Variants in PTPRK observed in about 807,000 individuals in gnomAD.
The protein encoded by PTPRK is protein tyrosine phosphatase receptor type K, also known as receptor-type tyrosine-protein phosphatase kappa.
PTPRK carries 75 observed loss-of-function variants against 178.0 expected under a neutral mutation model. The observed-to-expected ratio is 0.42, with a 90% CI of 0.35 to 0.51. The LOEUF is 0.51. Ranked by LOEUF, PTPRK falls within the 20% of genes least tolerant of loss-of-function variation. PTPRK has a pLI of 0.02. For synonymous variants in PTPRK, 637 were observed against 620.6 expected (o/e 1.03, Z -0.39); for missense variants, 1,441 against 1,797.8 (o/e 0.80, Z 3.59).
intron 7 of PTPRK, among the ~76,000 whole-genome samples, chr6:128,093,357 G>A (rs1787315312): frequency 6.6e-6 from 1 of 151,756 alleles, no homozygotes; most frequent in Non-Finnish European, 1.5e-5. Context: ...AGTTTGGGAG[G>A]CCATGGTGGG....
intron 1 of PTPRK, among the ~76,000 whole-genome samples, chr6:128,419,599 G>A (rs9491946): frequency 3.4e-5 from 5 of 148,838 alleles, no homozygotes; most frequent in Non-Finnish European, 5.9e-5. Flanking sequence ...GCGACAGAGC[G>A]AGACTCCGTC....
At chr6:128,166,386 C>T (rs1182082796) in intron 7 of PTPRK, among the ~76,000 whole-genome samples, 4 of 151,560 alleles carry the variant, frequency 2.6e-5, no homozygotes, top group African/African-American at 9.7e-5. Flanking sequence ...CAGCTAATAG[C>T]TGTGTGATCT....
intron 1 of PTPRK, among the ~76,000 whole-genome samples, chr6:128,464,192 C>T (rs1339675118): frequency 6.6e-6 from 1 of 151,406 alleles, no homozygotes; most frequent in East Asian, 1.9e-4. Context: ...ATAAAAAATA[C>T]ACAAAAAAAA....
chr6:128,438,044 GATACTGTAATTTCA>G (rs1026245490), intron 1 of PTPRK, among the ~76,000 whole-genome samples: 1 of 152,188 alleles, frequency 6.6e-6, no homozygotes, highest in African/African-American at 2.4e-5. Flanking sequence ...CCCATCCCGG[GATACTGTAATTTCA>G]ATCACCATTT....
chr6:128,181,068 A>G (rs944594178), intron 7 of PTPRK, among the ~76,000 whole-genome samples: 3 of 152,110 alleles, frequency 2.0e-5, no homozygotes, highest in Admixed American at 1.3e-4. Flanking sequence ...AAAATAAAAT[A>G]TCATGATACA....
intron 2 of PTPRK, among the ~76,000 whole-genome samples, chr6:128,393,325 G>A (rs1444439423): frequency 2.6e-5 from 4 of 151,970 alleles, no homozygotes; most frequent in Admixed American, 1.3e-4. Context: ...TCCTAACCTC[G>A]TGATCCGCCC....
intron 5 of PTPRK, among the ~76,000 whole-genome samples, chr6:128,228,528 T>C (rs545295274): frequency 1.4e-5 from 2 of 146,738 alleles, no homozygotes; most frequent in Non-Finnish European, 3.0e-5. Flanking sequence ...GGCATGGTGG[T>C]GGGCGCCTGT....
At chr6:128,514,818 T>C (rs1220744727) in intron 1 of PTPRK, among the ~76,000 whole-genome samples, 1 of 152,074 alleles carries the variant, frequency 6.6e-6, no homozygotes, top group Non-Finnish European at 1.5e-5. Context: ...TCCCAGAACC[T>C]CAACAATCTA....
intron 1 of PTPRK, among the ~76,000 whole-genome samples, chr6:128,436,888 C>T (rs1845664827): frequency 2.0e-5 from 3 of 152,082 alleles, no homozygotes; most frequent in Admixed American, 6.6e-5. Context: ...GCCTCAGTTA[C>T]GCAGGATGAA....
intron 5 of PTPRK, among the ~76,000 whole-genome samples, chr6:128,224,944 C>T (rs1811023830): frequency 6.6e-6 from 1 of 152,166 alleles, no homozygotes; most frequent in African/African-American, 2.4e-5. Flanking sequence ...CCAACAATTA[C>T]TAGAGCCCAA....
chr6:128,188,200 T>A (rs1456157961), intron 6 of PTPRK, among the ~76,000 whole-genome samples: 2 of 152,186 alleles, frequency 1.3e-5, no homozygotes, highest in African/African-American at 4.8e-5. Flanking sequence ...ATTCTAGAAC[T>A]GAACCTATTA....
At chr6:128,229,152 G>T (rs934076468) in intron 5 of PTPRK, among the ~76,000 whole-genome samples, 6 of 152,110 alleles carry the variant, frequency 3.9e-5, no homozygotes, top group Non-Finnish European at 5.9e-5. Flanking sequence ...GTTACATTTA[G>T]AAGTGAGACT....
intron 1 of PTPRK, among the ~76,000 whole-genome samples, chr6:128,421,532 A>G (rs910150240): frequency 6.6e-6 from 1 of 152,212 alleles, no homozygotes; most frequent in Admixed American, 6.5e-5. Flanking sequence ...CTCGTTGAAT[A>G]TAAGAACAGG....
chr6:128,035,043 A>G (rs887588891), intron 13 of PTPRK, among the ~76,000 whole-genome samples: 4 of 152,152 alleles, frequency 2.6e-5, no homozygotes, highest in African/African-American at 7.2e-5. Context: ...TGATATTTAA[A>G]ATGTCTTTTT....
intron 4 of PTPRK, 113 bp downstream of exon 4, chr6:128,242,408 A>ATTG: frequency 7.2e-7 from 1 of 1,380,030 alleles, no homozygotes; most frequent in Admixed American, 2.7e-5. Context: ...GGCTAGGACT[A>ATTG]ACAATAACAA....
At chr6:128,314,886 A>G (rs977842087) in intron 3 of PTPRK, among the ~76,000 whole-genome samples, 2 of 151,944 alleles carry the variant, frequency 1.3e-5, no homozygotes, top group Non-Finnish European at 2.9e-5. Flanking sequence ...CTCACACTTC[A>G]TGTCACAATG....
At chr6:128,481,851 C>G (rs1193541623) in intron 1 of PTPRK, among the ~76,000 whole-genome samples, 4 of 151,940 alleles carry the variant, frequency 2.6e-5, no homozygotes, top group Non-Finnish European at 4.4e-5. Context: ...TTTATCTTTT[C>G]CAGGACTACA....
intron 3 of PTPRK, among the ~76,000 whole-genome samples, chr6:128,309,128 T>C (rs1224180782): frequency 6.6e-6 from 1 of 152,132 alleles, no homozygotes; most frequent in African/African-American, 2.4e-5. Flanking sequence ...AATTCAAAGA[T>C]TTAATATTTT....
intron 3 of PTPRK, among the ~76,000 whole-genome samples, chr6:128,246,208 T>A (rs1232148722): frequency 6.6e-6 from 1 of 152,170 alleles, no homozygotes; most frequent in African/African-American, 2.4e-5. Flanking sequence ...AATGAATAAA[T>A]ACACATCATT....
Sources: allele counts gnomAD v4.1 joint callset (sites outside exome capture counted in the v4.1 genomes callset), GRCh38; gene constraint gnomAD v4.1.1; transcripts MANE v1.5; gene names NCBI Gene and HGNC (gene_info 2026-07-23, HGNC 2026-07-21).